SOX6: variants seen among roughly 807,000 people sequenced by gnomAD.
SOX6 encodes SRY-box transcription factor 6, also known as transcription factor SOX-6.
Under a neutral mutation model 97.8 loss-of-function variants are expected in SOX6, and 11 were observed. That is an observed-to-expected ratio of 0.11 (90% confidence interval 0.07 to 0.19). The LOEUF is 0.19. Among genes scored for constraint, SOX6 ranks in the 10% least tolerant of loss-of-function variants. The probability of loss-of-function intolerance (pLI) is 1.00; values close to 1 mark genes in which losing one functional copy is unlikely to be tolerated. For synonymous variants in SOX6, 360 were observed against 371.4 expected (o/e 0.97, Z 0.35); for missense variants, 810 against 1,039.5 (o/e 0.78, Z 3.04).
chr11:16,691,615 A>G (rs1390514974), intron 3 of SOX6, among the ~76,000 whole-genome samples: 1 of 152,124 alleles, frequency 6.6e-6, no homozygotes, highest in Non-Finnish European at 1.5e-5. Context: ...TGGGCAACAC[A>G]GCAAAACCCC....
chr11:16,234,113 G>A (rs542208101), intron 4 of SOX6, among the ~76,000 whole-genome samples: 49 of 151,794 alleles, frequency 3.2e-4, no homozygotes, highest in African/African-American at 1.1e-3. Flanking sequence ...TTGAACCAAC[G>A]TAAACAAGCT....
chr11:16,569,014 T>C (rs929315987), intron 4 of SOX6, among the ~76,000 whole-genome samples: 1 of 152,170 alleles, frequency 6.6e-6, no homozygotes, highest in South Asian at 2.1e-4. Context: ...AAAAAACAAA[T>C]TAATAAATGC....
chr11:16,297,717 A>G (rs1344723961), intron 3 of SOX6, among the ~76,000 whole-genome samples: 3 of 152,188 alleles, frequency 2.0e-5, no homozygotes, highest in Non-Finnish European at 4.4e-5. Flanking sequence ...GATTAAATAT[A>G]TCACTTTTTC....
chr11:16,035,685 G>T (rs1177975860), intron 12 of SOX6, among the ~76,000 whole-genome samples: 1 of 152,138 alleles, frequency 6.6e-6, no homozygotes, highest in Non-Finnish European at 1.5e-5. Context: ...TATATTTAGT[G>T]CCTACTATGT....
chr11:16,355,497 A>G (rs1857048339), intron 1 of SOX6, among the ~76,000 whole-genome samples: 1 of 152,050 alleles, frequency 6.6e-6, no homozygotes, highest in South Asian at 2.1e-4. Flanking sequence ...ATAAATCTCA[A>G]TGTAATACCA....
At chr11:16,055,175 T>C (rs1847782872) in intron 10 of SOX6, among the ~76,000 whole-genome samples, 1 of 152,200 alleles carries the variant, frequency 6.6e-6, no homozygotes, top group South Asian at 2.1e-4. Flanking sequence ...TTTATGATTT[T>C]ATTTATTTGT....
At chr11:16,111,494 A>C (rs1389210683) in intron 7 of SOX6, among the ~76,000 whole-genome samples, 2 of 152,182 alleles carry the variant, frequency 1.3e-5, no homozygotes, top group African/African-American at 4.8e-5. Context: ...ATCTTTAACC[A>C]AAAAACAATT....
intron 3 of SOX6, among the ~76,000 whole-genome samples, chr11:16,302,882 C>G (rs551172593): frequency 2.3e-3 from 353 of 152,084 alleles, no homozygotes; most frequent in African/African-American, 8.1e-3. Context: ...CCACAGTACC[C>G]AGCCAACACA....
chr11:16,711,287 G>A (rs896818145), intron 3 of SOX6, among the ~76,000 whole-genome samples: 2 of 152,172 alleles, frequency 1.3e-5, no homozygotes, highest in African/African-American at 2.4e-5. Context: ...CCAGCACTTG[G>A]AGAGGCCAAG....
intron 2 of SOX6, among the ~76,000 whole-genome samples, chr11:16,715,661 C>G (rs1047979762): frequency 6.6e-6 from 1 of 151,724 alleles, no homozygotes; most frequent in African/African-American, 2.4e-5. Context: ...TTCCTCTCTA[C>G]TCAAAGCAAA....
At chr11:16,585,223 C>T (rs1848078229) in intron 4 of SOX6, among the ~76,000 whole-genome samples, 1 of 152,128 alleles carries the variant, frequency 6.6e-6, no homozygotes, top group South Asian at 2.1e-4. Context: ...CATTTTTACC[C>T]CTTAAATAAA....
chr11:16,625,799 G>A (rs545881108), intron 3 of SOX6, among the ~76,000 whole-genome samples: 5 of 152,038 alleles, frequency 3.3e-5, no homozygotes, highest in African/African-American at 9.7e-5. Context: ...TTAAGAGGGC[G>A]TAAGAGCTCC....
At chr11:16,666,075 C>T (rs1350090654) in intron 3 of SOX6, among the ~76,000 whole-genome samples, 1 of 152,122 alleles carries the variant, frequency 6.6e-6, no homozygotes, top group African/African-American at 2.4e-5. Context: ...CAAATCCTCC[C>T]CACAATGGAC....
chr11:15,987,833 T>G (rs1038390182), intron 14 of SOX6, among the ~76,000 whole-genome samples: 1 of 151,680 alleles, frequency 6.6e-6, no homozygotes, highest in Non-Finnish European at 1.5e-5. Context: ...CCACACTTAA[T>G]TGTAATGACA....
At chr11:16,543,819 G>C (rs1449331530) in intron 4 of SOX6, among the ~76,000 whole-genome samples, 1 of 152,176 alleles carries the variant, frequency 6.6e-6, no homozygotes, top group Non-Finnish European at 1.5e-5. Flanking sequence ...GTGGAAAATA[G>C]TTTGGCACTT....
chr11:16,234,122 C>T (rs1381085606), intron 4 of SOX6, among the ~76,000 whole-genome samples: 1 of 151,950 alleles, frequency 6.6e-6, no homozygotes, highest in Non-Finnish European at 1.5e-5. Context: ...CGTAAACAAG[C>T]TTCAGAATCC....
At chr11:16,563,627 G>A (rs2133193638) in intron 4 of SOX6, among the ~76,000 whole-genome samples, 1 of 152,280 alleles carries the variant, frequency 6.6e-6, no homozygotes, top group South Asian at 2.1e-4. Context: ...TGAGGATATA[G>A]CAAAATATCT....
rs2133982192 is a variant in SOX6, at chr11:16,610,568, G to A, written n.609+1513C>T. On this transcript the variant is annotated intron_variant and non_coding_transcript_variant, in intron 4 of 5. Coordinates refer to the SOX6 transcript ENST00000524520. The surrounding 1 kb of genome is among the most constrained non-coding windows in gnomAD (Gnocchi z 4.4). ...ATGAACCTTCCGAAAAGGAGCCGCA[G>A]GAACCCCTTTTAGATTTTATCTAAT... is the stretch of plus-strand genomic sequence containing the variant. 6.6e-6 allele frequency among the ~76,000 whole-genome samples: 1 copy of A among 152,274 alleles called. No homozygotes were observed. The highest frequency in any genetic ancestry group is 1.9e-4 in the East Asian group (1 of 5,172).
At chr11:16,132,459 AG>A (rs745329469) in intron 6 of SOX6, among the ~76,000 whole-genome samples, 7 of 135,128 alleles carry the variant, frequency 5.2e-5, no homozygotes, top group African/African-American at 2.0e-4. Flanking sequence ...AAAGAAAGAA[AG>A]AAAGAAAGAA....
Sources: gnomAD v4.1 joint callset for allele counts (sites outside exome capture counted in the v4.1 genomes callset) on GRCh38, gnomAD v4.1.1 for gene constraint, Gnocchi (gnomAD v3.1) non-coding constraint, MANE v1.5 for transcripts, NCBI Gene and HGNC (gene_info 2026-07-23, HGNC 2026-07-21) for gene names.